PLD1: variants seen among roughly 807,000 people sequenced by gnomAD.
PLD1 encodes phospholipase D1.
In PLD1, 112 loss-of-function variants were observed where a neutral mutation model predicts 137.1. The observed-to-expected ratio is 0.82, with a 90% CI of 0.70 to 0.96. PLD1 has a LOEUF of 0.96. Among genes scored for constraint, PLD1 ranks in the 40% least tolerant of loss-of-function variants. PLD1 has a pLI of 0.00. For missense variants in PLD1, 1,321 were observed against 1,342.0 expected (o/e 0.98, Z 0.24); for synonymous variants, 431 against 454.7 (o/e 0.95, Z 0.66).
chr3:171,777,450 C>T (rs1008494147), intron 1 of PLD1, among the ~76,000 whole-genome samples: 4 of 152,192 alleles, frequency 2.6e-5, no homozygotes, highest in Admixed American at 1.3e-4. Context: ...TACCTTCTTT[C>T]CTAATTGCCC....
At chr3:171,686,901 C>A in intron 15 of PLD1, 103 bp from the exon 16 acceptor site, 1 of 607,302 alleles carries the variant, frequency 1.6e-6, no homozygotes, top group Non-Finnish European at 2.9e-6. Context: ...GCTATAACAT[C>A]AGTCTTAAGA....
chr3:171,784,172 AT>A (rs1321351200), intron 1 of PLD1, among the ~76,000 whole-genome samples: 4 of 152,220 alleles, frequency 2.6e-5, no homozygotes, highest in Non-Finnish European at 5.9e-5. Context: ...CAAATTGGCT[AT>A]CAGAGAAAAA....
intron 1 of PLD1, among the ~76,000 whole-genome samples, chr3:171,751,997 C>T (rs1216120869): frequency 5.5e-5 from 8 of 146,132 alleles, no homozygotes; most frequent in African/African-American, 1.5e-4. Flanking sequence ...AGCGAGACTC[C>T]GTCTCAAAAA....
chr3:171,644,951 G>A lies in PLD1; in HGVS notation c.2502C>T (p.Gly834=), dbSNP rs368106671. ...LPGFEGDIST[G]GGNALQAIMH... ...TGATTGCCTGTAGAGCATTTCCTCCGCCGGTTGAAATGTCTCCTTCGAACC... is the reference window on the plus strand; with the variant it reads ...TGATTGCCTGTAGAGCATTTCCTCCACCGGTTGAAATGTCTCCTTCGAACC... Residue 834 remains glycine, a synonymous_variant, in exon 22 of 27, where the codon GGC becomes GGT. Transcript: ENST00000351298. 9.0e-5 allele frequency: 145 copies of A among 1,613,742 alleles called. No individual in the cohort carries two copies. Among genetic ancestry groups the A allele is most frequent in the Middle Eastern group, 1.6e-4 (1 of 6,062 alleles).
Position 171,674,550 on chromosome 3 carries a change from CTGTTGTT to C in PLD1, c.2172_2178del (p.Thr725ProfsTer4). On this transcript the variant is annotated frameshift_variant, in exon 19 of 27. Transcript: ENST00000351298. LOFTEE classifies it high-confidence loss of function. ...GGCACTTGATATCTCAACTCATGGG[CTGTTGTT>C]TGAGACTTTGGAAGCAGAAAAGGAT... 6.2e-7 allele frequency: 1 copy of C among 1,611,492 alleles called. No individual in the cohort carries two copies. Among genetic ancestry groups the C allele is most frequent in the Admixed American group, 1.7e-5 (1 of 59,994 alleles).
intron 21 of PLD1, among the ~76,000 whole-genome samples, chr3:171,658,762 G>A (rs1014581920): frequency 8.6e-5 from 13 of 152,034 alleles, no homozygotes; most frequent in African/African-American, 3.1e-4. Flanking sequence ...TCACTGAATT[G>A]TATAGTTTAA....
chr3:171,629,356 TAA>T (rs904628097), intron 23 of PLD1, among the ~76,000 whole-genome samples: 379 of 152,034 alleles, frequency 2.5e-3, no homozygotes, highest in Admixed American at 7.5e-3. Flanking sequence ...CTCAATGAAA[TAA>T]AAGAGGATAC....
chr3:171,807,498 A>G (rs1463372985), intron 1 of PLD1, among the ~76,000 whole-genome samples: 1 of 152,228 alleles, frequency 6.6e-6, no homozygotes, highest in Admixed American at 6.5e-5. Flanking sequence ...CTACATGTAC[A>G]CTTAAAAATG....
intron 12 of PLD1, among the ~76,000 whole-genome samples, chr3:171,693,706 T>G (rs770972823): frequency 2.0e-5 from 3 of 152,184 alleles, no homozygotes; most frequent in Non-Finnish European, 2.9e-5. Context: ...TGGCATTTAA[T>G]ATCGTAGAGA....
intron 25 of PLD1, among the ~76,000 whole-genome samples, chr3:171,609,711 T>C (rs935299642): frequency 2.0e-5 from 3 of 152,098 alleles, no homozygotes; most frequent in Non-Finnish European, 4.4e-5. Context: ...TACACATGGA[T>C]GTACAGAGTG....
intron 25 of PLD1, chr3:171,611,602 C>A (rs1380039182): frequency 1.9e-6 from 1 of 518,938 alleles, no homozygotes; most frequent in African/African-American, 1.9e-5. Context: ...TGCCAAAGAT[C>A]AGGGATCTTC....
intron 23 of PLD1, among the ~76,000 whole-genome samples, chr3:171,629,587 G>A (rs1200206649): frequency 1.1e-4 from 17 of 152,176 alleles, no homozygotes; most frequent in South Asian, 6.2e-4. Context: ...AAAGCTGGAG[G>A]CATCATGCTA....
At chr3:171,724,850 A>T (rs1718386807) in intron 7 of PLD1, 62 bp from the exon 8 acceptor site, 2 of 928,850 alleles carry the variant, frequency 2.2e-6, no homozygotes, top group Admixed American at 3.4e-5. Flanking sequence ...TAGCTCGTAC[A>T]GCCTCCCAAC....
intron 21 of PLD1, among the ~76,000 whole-genome samples, chr3:171,655,632 C>G (rs1470676715): frequency 6.6e-6 from 1 of 152,206 alleles, no homozygotes; most frequent in Non-Finnish European, 1.5e-5. Context: ...GCCACCACAC[C>G]TGCCCAAGAT....
intron 9 of PLD1, among the ~76,000 whole-genome samples, chr3:171,712,072 C>T (rs551975912): frequency 2.6e-5 from 4 of 152,172 alleles, no homozygotes; most frequent in East Asian, 3.9e-4. Context: ...CCTGATGAGA[C>T]GCAGGGAAGG....
rs1044365459 is a variant in PLD1 at position 171,785,229 on chromosome 3, C to T, written c.-32+25170G>A. On this transcript the variant is annotated intron_variant, in intron 1 of 26. Transcript: ENST00000351298. The stretch of plus-strand genomic sequence containing the variant: ...CCTCTATTCTGTTCTCTATTCCGAC[C>T]GAATACGGTATGAGTTACAAAAGTG... 8.6e-5 allele frequency among the ~76,000 whole-genome samples: 13 copies of T among 152,026 alleles called. 1 individual carries two copies. The highest frequency in any genetic ancestry group is 1.3e-4 in the Non-Finnish European group (9 of 68,010).
At chr3:171,639,504 TAATA>T (rs1387016666) in intron 23 of PLD1, among the ~76,000 whole-genome samples, 1 of 112,020 alleles carries the variant, frequency 8.9e-6, no homozygotes, top group Non-Finnish European at 1.6e-5. Flanking sequence ...ATTTAATACA[TAATA>T]AATAATATAT....
intron 1 of PLD1, among the ~76,000 whole-genome samples, chr3:171,738,313 A>AG (rs1469435213): frequency 5.4e-4 from 82 of 152,108 alleles, no homozygotes; most frequent in African/African-American, 2.0e-3. Context: ...GAAAAAAAAA[A>AG]GAAAAAAAAA....
chr3:171,670,570 A>T (rs1712640393), intron 19 of PLD1, among the ~76,000 whole-genome samples: 1 of 152,226 alleles, frequency 6.6e-6, no homozygotes, highest in Admixed American at 6.5e-5. Flanking sequence ...TTATAGAAAT[A>T]GCAGGTTTTC....
Sources: gnomAD v4.1 joint callset for allele counts (sites outside exome capture counted in the v4.1 genomes callset) on GRCh38, gnomAD v4.1.1 for gene constraint, MANE v1.5 for transcripts, NCBI Gene and HGNC (gene_info 2026-07-23, HGNC 2026-07-21) for gene names.